The following PRKCE variants were observed in gnomAD, a reference collection of about 807,000 sequenced individuals.
The protein encoded by PRKCE is protein kinase C epsilon.
In PRKCE, 16 loss-of-function variants were observed where a neutral mutation model predicts 85.4. The observed-to-expected ratio is 0.19, with a 90% CI of 0.13 to 0.28. PRKCE has a LOEUF of 0.28. PRKCE is among the 10% of genes least tolerant of loss of function. The pLI, the probability that PRKCE is intolerant of heterozygous loss-of-function variation, is 1.00. For missense variants in PRKCE, 573 were observed against 975.2 expected (o/e 0.59, Z 5.49); for synonymous variants, 388 against 371.5 (o/e 1.04, Z -0.51).
intron 2 of PRKCE, among the ~76,000 whole-genome samples, chr2:45,871,217 C>T (rs1338285092): frequency 6.6e-6 from 1 of 152,102 alleles, no homozygotes; most frequent in Non-Finnish European, 1.5e-5. Context: ...TTAGTCCCAC[C>T]CTGTCAAGGG....
intron 2 of PRKCE, among the ~76,000 whole-genome samples, chr2:45,948,839 T>C (rs1431747444): frequency 6.6e-6 from 1 of 152,226 alleles, no homozygotes; most frequent in Non-Finnish European, 1.5e-5. Flanking sequence ...TTGTGAATTT[T>C]ACTTTATATA....
intron 2 of PRKCE, among the ~76,000 whole-genome samples, chr2:45,963,971 A>G (rs1701561352): frequency 6.6e-6 from 1 of 152,144 alleles, no homozygotes; most frequent in Non-Finnish European, 1.5e-5. Context: ...GAGCCTTGTG[A>G]CGTCGAAGGG....
At chr2:45,960,060 A>G (rs1701274584) in intron 2 of PRKCE, among the ~76,000 whole-genome samples, 1 of 152,192 alleles carries the variant, frequency 6.6e-6, no homozygotes, top group Non-Finnish European at 1.5e-5. Flanking sequence ...AGCATTTGGG[A>G]AGGAAAGTTC....
chr2:45,785,857 C>T (rs1349710653), intron 1 of PRKCE, among the ~76,000 whole-genome samples: 5 of 152,188 alleles, frequency 3.3e-5, no homozygotes, highest in African/African-American at 9.7e-5. Context: ...AGGCCAAACT[C>T]GAACCTCTGC....
rs1667808644 is a variant in PRKCE at position 46,068,456 on chromosome 2, A to T, written c.1438-17752A>T. ...ATATCTAATTAATCAGTCATTATTT[A>T]TTGGTGTACCATTAGGTGCAAGGTA... On this transcript the variant is annotated intron_variant, in intron 10 of 14. Coordinates refer to ENST00000306156, the MANE Select transcript of PRKCE (RefSeq NM_005400.3). This position sits in a 1 kb window ranked among gnomAD's most constrained non-coding sequence, Gnocchi z 4.3. Among the ~76,000 whole-genome samples the T allele has an allele frequency of 6.6e-6, 1 of 152,238 alleles. No individual in the cohort carries two copies. Among genetic ancestry groups the T allele is most frequent in the Admixed American group, 6.5e-5 (1 of 15,288 alleles).
At chr2:45,769,194 A>G (rs538850319) in intron 1 of PRKCE, among the ~76,000 whole-genome samples, 2 of 152,300 alleles carry the variant, frequency 1.3e-5, no homozygotes, top group Non-Finnish European at 1.5e-5. Flanking sequence ...CAACTGTTTC[A>G]TTGACTTCCT....
intron 2 of PRKCE, among the ~76,000 whole-genome samples, chr2:45,970,195 T>C (rs952450663): frequency 5.9e-5 from 9 of 152,238 alleles, no homozygotes; most frequent in Admixed American, 3.9e-4. Context: ...GTCAGTTTCA[T>C]AGTAGACTTG....
chr2:45,867,773 A>T (rs1359533306), intron 2 of PRKCE, among the ~76,000 whole-genome samples: 1 of 152,066 alleles, frequency 6.6e-6, no homozygotes. Context: ...TTTTAAGTTC[A>T]AATTTATTGC....
At chr2:45,837,638 T>C (rs556825843) in intron 1 of PRKCE, among the ~76,000 whole-genome samples, 1 of 152,308 alleles carries the variant, frequency 6.6e-6, no homozygotes, top group South Asian at 2.1e-4. Flanking sequence ...CTCCTGGGGT[T>C]GTGCAGCTGG....
At chr2:45,863,264 C>G (rs559754937) in intron 2 of PRKCE, among the ~76,000 whole-genome samples, 1 of 152,122 alleles carries the variant, frequency 6.6e-6, no homozygotes, top group Non-Finnish European at 1.5e-5. Context: ...GTCTCAGGGC[C>G]ACCCACTGTG....
At chr2:46,129,570 T>G (rs1674210434) in intron 11 of PRKCE, among the ~76,000 whole-genome samples, 2 of 152,202 alleles carry the variant, frequency 1.3e-5, no homozygotes, top group African/African-American at 4.8e-5. Flanking sequence ...AGTGTATGGG[T>G]TTTTTTCTAT....
chr2:45,734,742 C>G (rs1173134307), intron 1 of PRKCE, among the ~76,000 whole-genome samples: 3 of 152,228 alleles, frequency 2.0e-5, no homozygotes, highest in Non-Finnish European at 2.9e-5. Context: ...CACTCCCCAA[C>G]TGCTGGGAGT....
intron 2 of PRKCE, among the ~76,000 whole-genome samples, chr2:45,846,758 G>A (rs1326353432): frequency 1.3e-5 from 2 of 152,186 alleles, no homozygotes; most frequent in Non-Finnish European, 2.9e-5. Context: ...GTGTTTAGTA[G>A]CTTAGAGCCT....
At chr2:46,092,738 C>T (rs1048725270) in intron 11 of PRKCE, among the ~76,000 whole-genome samples, 10 of 152,100 alleles carry the variant, frequency 6.6e-5, no homozygotes, top group South Asian at 2.1e-4. Context: ...ACCAGGCCTC[C>T]GTATGGAAAA....
chr2:45,928,426 C>T (rs990650129), intron 2 of PRKCE, among the ~76,000 whole-genome samples: 1 of 152,126 alleles, frequency 6.6e-6, no homozygotes, highest in African/African-American at 2.4e-5. Context: ...CACCACCATG[C>T]CCAGCTAATT....
At chr2:46,126,469 T>G (rs1393454028) in intron 11 of PRKCE, among the ~76,000 whole-genome samples, 1 of 152,096 alleles carries the variant, frequency 6.6e-6, no homozygotes, top group Non-Finnish European at 1.5e-5. Flanking sequence ...CCATGAATTC[T>G]TCTTACAGAA....
intron 11 of PRKCE, among the ~76,000 whole-genome samples, chr2:46,104,568 C>G (rs915977976): frequency 6.6e-6 from 1 of 151,966 alleles, no homozygotes; most frequent in Non-Finnish European, 1.5e-5. Context: ...ATACAATGAG[C>G]CTTAAAGGTC....
Position 45,682,594 on chromosome 2 carries a change from T to G in PRKCE, c.348+30146T>G, listed in dbSNP as rs552666268. Among the ~76,000 whole-genome samples, 5 of 152,166 alleles carry G rather than the reference T, an allele frequency of 3.3e-5. No homozygotes were observed. In the South Asian group the frequency reaches 6.2e-4, roughly 19 times the overall value. Reference sequence around the variant, plus strand: ...GGCACACATCACCTTGCCTGGCTAATTTTCTTTTTGAGATGGAGTTTCACT... The same window carrying G: ...GGCACACATCACCTTGCCTGGCTAAGTTTCTTTTTGAGATGGAGTTTCACT... On this transcript the variant is annotated intron_variant, in intron 1 of 14. Coordinates refer to ENST00000306156, the MANE Select transcript of PRKCE (RefSeq NM_005400.3).
At chr2:45,854,762 A>G (rs1265405400) in intron 2 of PRKCE, among the ~76,000 whole-genome samples, 1 of 152,220 alleles carries the variant, frequency 6.6e-6, no homozygotes, top group Non-Finnish European at 1.5e-5. Context: ...GCCAAAGAAC[A>G]GGAGCCTTAA....
Sources: gnomAD v4.1 joint callset for allele counts (sites outside exome capture counted in the v4.1 genomes callset) on GRCh38, gnomAD v4.1.1 for gene constraint, Gnocchi (gnomAD v3.1) non-coding constraint, MANE v1.5 for transcripts, NCBI Gene and HGNC (gene_info 2026-07-23, HGNC 2026-07-21) for gene names.